Variants in UNC5C observed in about 807,000 individuals in gnomAD.
UNC5C encodes unc-5 netrin receptor C.
A neutral mutation model predicts 99.8 loss-of-function variants in UNC5C; 47 were observed. That is an observed-to-expected ratio of 0.47 (90% CI 0.37 to 0.60). The LOEUF (loss-of-function observed/expected upper bound fraction) is 0.60. Among genes scored for constraint, UNC5C ranks in the 20% least tolerant of loss-of-function variants. UNC5C has a pLI of 0.00. For synonymous variants in UNC5C, 487 were observed against 452.2 expected, an observed-to-expected ratio of 1.08 and a Z score of -0.98; for missense variants, 1,062 against 1,165.9, an observed-to-expected ratio of 0.91 and a Z score of 1.30.
intron 1 of UNC5C, among the ~76,000 whole-genome samples, chr4:95,472,410 G>A (rs1362868444): frequency 2.0e-5 from 3 of 152,062 alleles, no homozygotes; most frequent in Non-Finnish European, 4.4e-5. Flanking sequence ...AGGGGGAGAG[G>A]AATACTCATC....
At chr4:95,279,949 C>G (rs1028070102) in intron 3 of UNC5C, among the ~76,000 whole-genome samples, 4 of 152,138 alleles carry the variant, frequency 2.6e-5, no homozygotes, top group Non-Finnish European at 4.4e-5. Flanking sequence ...AAGTGTGCAA[C>G]CTATATCCTT....
intron 10 of UNC5C, among the ~76,000 whole-genome samples, chr4:95,215,534 A>G (rs1172034364): frequency 6.6e-6 from 1 of 152,042 alleles, no homozygotes. Context: ...ATTATGAAAC[A>G]TTCTAAACAA....
intron 14 of UNC5C, among the ~76,000 whole-genome samples, chr4:95,172,345 T>G (rs2149344469): frequency 1.3e-5 from 2 of 150,766 alleles, no homozygotes; most frequent in African/African-American, 4.8e-5. Context: ...AATGCCTAGG[T>G]TTTCTTCTAG....
At chr4:95,450,988 C>G (rs949138869) in intron 1 of UNC5C, among the ~76,000 whole-genome samples, 1 of 152,124 alleles carries the variant, frequency 6.6e-6, no homozygotes, top group African/African-American at 2.4e-5. Flanking sequence ...CATAAATCTT[C>G]AATAAATGTT....
Position 95,471,475 on chromosome 4 carries a change from G to A in UNC5C, c.124+77259C>T, listed in dbSNP as rs188601329. Among the ~76,000 whole-genome samples the A allele has an allele frequency of 7.2e-4, 109 of 152,202 alleles. 1 individual carries two copies. The Middle Eastern group carries it at 0.017, about 24-fold the overall frequency. On this transcript the variant is annotated intron_variant, in intron 1 of 15. Coordinates refer to ENST00000453304, the MANE Select transcript of UNC5C (RefSeq NM_003728.4). ...ATTAGCCACTGAACACAGCATTTCAGAGATAAACAAGAAAGCATTCCTGGG... is the reference window on the plus strand; with the variant it reads ...ATTAGCCACTGAACACAGCATTTCAAAGATAAACAAGAAAGCATTCCTGGG...
At chr4:95,392,283 T>C (rs926471997) in intron 1 of UNC5C, among the ~76,000 whole-genome samples, 39 of 151,402 alleles carry the variant, frequency 2.6e-4, no homozygotes, top group African/African-American at 8.0e-4. Flanking sequence ...TGTGAGTCAA[T>C]AGAAAATAAT....
intron 4 of UNC5C, among the ~76,000 whole-genome samples, chr4:95,254,492 G>T (rs555336456): frequency 1.3e-5 from 2 of 152,156 alleles, no homozygotes; most frequent in Non-Finnish European, 2.9e-5. Flanking sequence ...CTCCCCAAGG[G>T]TTGTAATTTA....
intron 1 of UNC5C, among the ~76,000 whole-genome samples, chr4:95,336,481 G>A (rs1016058305): frequency 9.2e-5 from 14 of 151,906 alleles, no homozygotes; most frequent in African/African-American, 2.9e-4. Flanking sequence ...TTAAATGTAC[G>A]TATATTCAGT....
At chr4:95,477,632 C>A (rs1449983628) in intron 1 of UNC5C, among the ~76,000 whole-genome samples, 26 of 152,028 alleles carry the variant, frequency 1.7e-4, no homozygotes, top group Non-Finnish European at 1.5e-5. Flanking sequence ...ATTCACCCAG[C>A]AGCCTTATAA....
chr4:95,505,729 A>G (rs1478346494), intron 1 of UNC5C, among the ~76,000 whole-genome samples: 3 of 152,092 alleles, frequency 2.0e-5, no homozygotes, highest in Admixed American at 2.0e-4. Context: ...ATATGTGTCA[A>G]TATAGCCTTA....
At chr4:95,326,962 A>C (rs1742911828) in intron 2 of UNC5C, among the ~76,000 whole-genome samples, 1 of 152,208 alleles carries the variant, frequency 6.6e-6, no homozygotes, top group Non-Finnish European at 1.5e-5. Context: ...AGGTATGTAT[A>C]AAAGCAACTT....
intron 1 of UNC5C, among the ~76,000 whole-genome samples, chr4:95,351,383 A>T (rs7436599): frequency 0.78 from 117,474 of 151,206 alleles, 46,300 homozygotes; most frequent in East Asian, 1. Flanking sequence ...CTGTAAGATA[A>T]GACAGAAGTT....
chr4:95,342,576 A>G (rs1224080701), intron 1 of UNC5C, among the ~76,000 whole-genome samples: 2 of 151,892 alleles, frequency 1.3e-5, no homozygotes, highest in Non-Finnish European at 2.9e-5. Context: ...ATATGGCTTC[A>G]GACTGAGCAC....
chr4:95,232,830 T>C (rs1738961860), intron 7 of UNC5C, among the ~76,000 whole-genome samples: 1 of 149,636 alleles, frequency 6.7e-6, no homozygotes, highest in Admixed American at 6.8e-5. Flanking sequence ...GAATATTTAT[T>C]TGCCAGCTGG....
At chr4:95,309,111 G>A (rs532977743) in intron 2 of UNC5C, among the ~76,000 whole-genome samples, 11 of 152,022 alleles carry the variant, frequency 7.2e-5, no homozygotes, top group East Asian at 3.9e-4. Context: ...AAAATAGCTC[G>A]CCCAGAAATA....
chr4:95,330,212 T>A (rs1414092205), intron 2 of UNC5C, among the ~76,000 whole-genome samples: 89 of 152,240 alleles, frequency 5.8e-4, no homozygotes, highest in Admixed American at 8.5e-4. Context: ...TCTTTTAACT[T>A]CTTTAGCATT....
chr4:95,219,429 G>T, intron 8 of UNC5C, 116 bp from the exon 9 acceptor site: 1 of 935,312 alleles, frequency 1.1e-6, no homozygotes, highest in Non-Finnish European at 1.6e-6. Flanking sequence ...GCTAATATCG[G>T]AGATAGATAG....
chr4:95,310,363 G>A (rs1742233356), intron 2 of UNC5C, among the ~76,000 whole-genome samples: 1 of 152,074 alleles, frequency 6.6e-6, no homozygotes, highest in South Asian at 2.1e-4. Context: ...AAGTTCAAGA[G>A]ATGTGCAACA....
At chr4:95,219,401 C>T (rs932871595) in intron 8 of UNC5C, 88 bp from the exon 9 acceptor site, 23 of 1,311,972 alleles carry the variant, frequency 1.8e-5, no homozygotes, top group South Asian at 1.1e-4. Flanking sequence ...CTTTCTGAGC[C>T]GAAAGTAAAG....
Sources: allele counts gnomAD v4.1 joint callset (sites outside exome capture counted in the v4.1 genomes callset), GRCh38; gene constraint gnomAD v4.1.1; transcripts MANE v1.5; gene names NCBI Gene and HGNC (gene_info 2026-07-23, HGNC 2026-07-21).